LRRN1: variants seen among roughly 807,000 people sequenced by gnomAD.
The protein encoded by LRRN1 is leucine rich repeat neuronal 1.
LRRN1 carries 14 observed loss-of-function variants against 45.8 expected under a neutral mutation model. The ratio of observed to expected loss-of-function variants is 0.31; its 90% CI spans 0.20 to 0.48. The LOEUF (loss-of-function observed/expected upper bound fraction) is 0.48, where lower values mean the gene tolerates loss of function less well. Ranked by LOEUF, LRRN1 falls within the 20% of genes least tolerant of loss-of-function variation. The pLI, the probability that LRRN1 is intolerant of heterozygous loss-of-function variation, is 0.99. For synonymous variants in LRRN1, 359 were observed against 330.1 expected, an observed-to-expected ratio of 1.09 and a Z score of -0.95; for missense variants, 789 against 874.2, an observed-to-expected ratio of 0.90 and a Z score of 1.23.
intron 1 of LRRN1, among the ~76,000 whole-genome samples, chr3:3,822,390 GTCTT>G (rs914734741): frequency 2.6e-5 from 4 of 152,164 alleles, no homozygotes; most frequent in Non-Finnish European, 5.9e-5. Context: ...GGTGTTTTCT[GTCTT>G]TCTTGAGCTA....
rs761470808 is a variant in LRRN1, at chr3:3,845,917, A to C, written c.1276A>C (p.Ile426Leu). 1.2e-6 allele frequency: 2 copies of C among 1,614,086 alleles called. No homozygotes were observed. The highest frequency in any genetic ancestry group is 8.5e-7 in the Non-Finnish European group (1 of 1,180,008). ...TTCGAGTGAACAGTGCCTCCCAATG[A>C]TATCTCACGACAGCTTCCCAAATCG... ...QDSSEQCLPM[I>L]SHDSFPNRLN... The change falls in exon 2 of 2, where the codon ATA (isoleucine) becomes CTA (leucine). Residue 426 changes from isoleucine (I) to leucine (L), a missense_variant. Transcript: ENST00000319331. The surrounding 1 kb of genome is among the most constrained non-coding windows in gnomAD (Gnocchi z 6.5).
chr3:3,803,056 T>C (rs1330912390), intron 1 of LRRN1, among the ~76,000 whole-genome samples: 3 of 152,236 alleles, frequency 2.0e-5, no homozygotes, highest in Admixed American at 6.5e-5. Context: ...CTGCAGACTG[T>C]GTTTCTAAAA....
Position 3,848,833 on chromosome 3 carries a change from G to T in LRRN1, c.*2041G>T, listed in dbSNP as rs1693832471. On this transcript the variant is annotated 3_prime_UTR_variant, in exon 2 of 2. Coordinates refer to ENST00000319331, the MANE Select transcript of LRRN1 (RefSeq NM_020873.7). ...GGTTCCTGTGCAGGGCCCCTCTTTT[G>T]CAGTTCTGAATAACCTCTAGTGCCC... is the stretch of plus-strand genomic sequence containing the variant. Among the ~76,000 whole-genome samples the T allele has an allele frequency of 2.6e-5, 4 of 152,126 alleles. No individual in the cohort carries two copies. In the South Asian group the frequency reaches 6.2e-4, roughly 24 times the overall value.
Position 3,845,322 on chromosome 3 carries a change from C to T in LRRN1, c.681C>T (p.Leu227=). The T allele has an allele frequency of 6.2e-7, 1 of 1,614,070 alleles. No individual in the cohort carries two copies. Among genetic ancestry groups the T allele is most frequent in the Non-Finnish European group, 8.5e-7 (1 of 1,180,028 alleles). ...GCTTAGTTTTGGCAGGAATGTATCT[C>T]ACTGATATTCCTGGAAATGCTTTGG... ...LRSLVLAGMY[L]TDIPGNALVG... is the part of the protein sequence containing the mutation. The change falls in exon 2 of 2, where the codon CTC becomes CTT. Residue 227 remains leucine, a synonymous_variant. Transcript: ENST00000319331. The surrounding 1 kb of genome is among the most constrained non-coding windows in gnomAD (Gnocchi z 6.5).
chr3:3,809,266 C>T (rs1309596050), intron 1 of LRRN1, among the ~76,000 whole-genome samples: 1 of 152,094 alleles, frequency 6.6e-6, no homozygotes, highest in Non-Finnish European at 1.5e-5. Flanking sequence ...GCCTCAGCCT[C>T]CTGTGTAGCT....
rs774360148 is a variant in LRRN1 at position 3,805,014 on chromosome 3, AC to A, written c.-279+5097del. Among the ~76,000 whole-genome samples the A allele has an allele frequency of 3.9e-5, 6 of 152,278 alleles. No homozygotes were observed. In the East Asian group the frequency reaches 1.2e-3, roughly 29 times the overall value. On this transcript the variant is annotated intron_variant, in intron 1 of 1. Coordinates refer to ENST00000319331, the MANE Select transcript of LRRN1 (RefSeq NM_020873.7). ...AGGGAGGCATTTCCAGCAATGCCTA[AC>A]CTCTTCAGGAGAGTGTCCATTTAAT...
At position 3,846,220 on chromosome 3, in the gene LRRN1, C is replaced by T; in HGVS notation, c.1579C>T (p.Leu527=). 1 of 1,614,030 alleles carries T rather than the reference C, an allele frequency of 6.2e-7. No individual in the cohort carries two copies. Among genetic ancestry groups the T allele is most frequent in the Non-Finnish European group, 8.5e-7 (1 of 1,180,006 alleles). ...NGTLLDGTQV[L]KIYVKQTESH... is the part of the protein sequence containing the mutation. Reference sequence around the variant, plus strand: ...GACCCTTCTGGATGGTACCCAGGTGCTAAAAATATACGTCAAGCAGACAGA... The same window carrying T: ...GACCCTTCTGGATGGTACCCAGGTGTTAAAAATATACGTCAAGCAGACAGA... The change falls in exon 2 of 2, where the codon CTA becomes TTA. Residue 527 remains leucine (L), a synonymous_variant. Coordinates refer to ENST00000319331, the MANE Select transcript of LRRN1 (RefSeq NM_020873.7). This position sits in a 1 kb window ranked among gnomAD's most constrained non-coding sequence, Gnocchi z 5.7.
rs185639965 is a variant in LRRN1 at position 3,810,680 on chromosome 3, C to T, written c.-279+10761C>T. 1.4e-3 allele frequency among the ~76,000 whole-genome samples: 209 copies of T among 152,180 alleles called. 1 individual carries two copies. The highest frequency in any genetic ancestry group is 4.4e-3 in the African/African-American group (184 of 41,512). On this transcript the variant is annotated intron_variant, in intron 1 of 1. Coordinates refer to ENST00000319331, the MANE Select transcript of LRRN1 (RefSeq NM_020873.7). The stretch of plus-strand genomic sequence containing the variant: ...CCTGATCACACCACTGTACTCTAGC[C>T]TGAGTGACAAAGCAAGATGTTGTCT...
At position 3,846,012 on chromosome 3, in the gene LRRN1, T is replaced by G; in HGVS notation, c.1371T>G (p.Ile457Met). Residue 457 changes from isoleucine to methionine, a missense_variant, in exon 2 of 2, where the codon ATT (isoleucine) becomes ATG (methionine). Physicochemically the swap from Ile to Met is conservative, Grantham distance 10. Coordinates refer to ENST00000319331, the MANE Select transcript of LRRN1 (RefSeq NM_020873.7). This position sits in a 1 kb window ranked among gnomAD's most constrained non-coding sequence, Gnocchi z 5.7. ...CCATGGCTGAGCCAGAACCTGAAAT[T>G]TACTGGGTCACTCCCATTGGAAATA... ...CRAMAEPEPE[I>M]YWVTPIGNKI... 2 of 1,613,854 alleles carry G rather than the reference T, an allele frequency of 1.2e-6. No homozygotes were observed. The highest frequency in any genetic ancestry group is 1.7e-4 in the Middle Eastern group (1 of 6,060).
At chr3:3,819,586 G>A (rs1693060096) in intron 1 of LRRN1, among the ~76,000 whole-genome samples, 1 of 152,088 alleles carries the variant, frequency 6.6e-6, no homozygotes, top group African/African-American at 2.4e-5. Flanking sequence ...TTTGCTGTGT[G>A]TCCCTGTCTT....
chr3:3,833,423 A>AT (rs757303674), intron 1 of LRRN1, among the ~76,000 whole-genome samples: 6 of 152,328 alleles, frequency 3.9e-5, no homozygotes, highest in Admixed American at 1.3e-4. Context: ...GCCCAAATCA[A>AT]TAAGTTCAGC....
chr3:3,808,247 C>T (rs1353367554), intron 1 of LRRN1, among the ~76,000 whole-genome samples: 1 of 152,110 alleles, frequency 6.6e-6, no homozygotes, highest in Non-Finnish European at 1.5e-5. Context: ...ACAGTAGTAG[C>T]AGTAGAATAA....
At chr3:3,814,860 C>G (rs1225603168) in intron 1 of LRRN1, among the ~76,000 whole-genome samples, 1 of 152,100 alleles carries the variant, frequency 6.6e-6, no homozygotes, top group Non-Finnish European at 1.5e-5. Flanking sequence ...TTCCCAGCCT[C>G]CAGAACTGTG....
intron 1 of LRRN1, among the ~76,000 whole-genome samples, chr3:3,814,211 A>T (rs1008848806): frequency 1.4e-5 from 2 of 146,342 alleles, no homozygotes; most frequent in African/African-American, 5.1e-5. Flanking sequence ...CTCCATTCTG[A>T]CATAGAGCTG....
intron 1 of LRRN1, among the ~76,000 whole-genome samples, chr3:3,824,350 C>T (rs999615507): frequency 1.3e-5 from 2 of 152,158 alleles, no homozygotes; most frequent in Non-Finnish European, 2.9e-5. Flanking sequence ...ACTTCTTTCA[C>T]TTGAATTTCT....
At chr3:3,842,659 T>C (rs1183729274) in intron 1 of LRRN1, among the ~76,000 whole-genome samples, 1 of 152,206 alleles carries the variant, frequency 6.6e-6, no homozygotes, top group African/African-American at 2.4e-5. Context: ...TGCTCTATTT[T>C]ATTAAGTCCT....
At chr3:3,804,492 A>G (rs1222873298) in intron 1 of LRRN1, among the ~76,000 whole-genome samples, 1 of 152,204 alleles carries the variant, frequency 6.6e-6, no homozygotes. Flanking sequence ...ACTTTAGAGT[A>G]CCCTCTAAAG....
chr3:3,845,421 A>G lies in LRRN1; in HGVS notation c.780A>G (p.Gln260=). ...TTAAAGTCCCTCAACTTGCCCTGCA[A>G]AAAGTTCCAAATTTGAAATTCTTAG... ...KLVKVPQLAL[Q]KVPNLKFLDL... The change falls in exon 2 of 2, where the codon CAA becomes CAG. Residue 260 remains glutamine (Q), a synonymous_variant. Transcript: ENST00000319331. This position sits in a 1 kb window ranked among gnomAD's most constrained non-coding sequence, Gnocchi z 6.5. 6.2e-7 allele frequency: 1 copy of G among 1,614,130 alleles called. No individual in the cohort carries two copies. Among genetic ancestry groups the G allele is most frequent in the Non-Finnish European group, 8.5e-7 (1 of 1,180,012 alleles).
rs565644769 is a variant in LRRN1, at chr3:3,812,785, C to G, written c.-279+12866C>G. The stretch of plus-strand genomic sequence containing the variant: ...CCATTTCTGTGTGGCTTTGAGCATG[C>G]TGATTAACTTCTCTGAATCTTGGTT... On this transcript the variant is annotated intron_variant, in intron 1 of 1. Transcript: ENST00000319331. Among the ~76,000 whole-genome samples, 26 of 138,816 alleles carry G rather than the reference C, an allele frequency of 1.9e-4. No individual in the cohort carries two copies. The South Asian group carries it at 3.4e-3, about 18-fold the overall frequency. The allele number at this position is 138,816 out of a possible 152,430, so 91.1% of individuals were successfully genotyped here.
Sources: allele counts gnomAD v4.1 joint callset (sites outside exome capture counted in the v4.1 genomes callset), GRCh38; gene constraint gnomAD v4.1.1; non-coding constraint Gnocchi (gnomAD v3.1); transcripts MANE v1.5; gene names NCBI Gene and HGNC (gene_info 2026-07-23, HGNC 2026-07-21).